Variants in SGCZ observed in about 807,000 individuals in gnomAD.
SGCZ encodes the protein sarcoglycan zeta.
In SGCZ, 40 loss-of-function variants were observed where a neutral mutation model predicts 41.3. The ratio of observed to expected loss-of-function variants is 0.97; its 90% CI spans 0.75 to 1.26. The LOEUF (loss-of-function observed/expected upper bound fraction) is 1.26, where lower values mean the gene tolerates loss of function less well. Ranked by LOEUF, SGCZ falls within the 50% of genes most tolerant of loss-of-function variation. SGCZ has a pLI of 0.00. For missense variants in SGCZ, 552 were observed against 369.8 expected (o/e 1.49, Z -4.04); for synonymous variants, 206 against 137.5 (o/e 1.50, Z -3.49).
chr8:14,890,127 G>A (rs930873953), intron 1 of SGCZ, among the ~76,000 whole-genome samples: 1 of 151,982 alleles, frequency 6.6e-6, no homozygotes, highest in African/African-American at 2.4e-5. Flanking sequence ...TGAGGCAGGT[G>A]AATCGCTTCA....
rs1223130113 is a variant in SGCZ at position 14,164,711 on chromosome 8, A to C, written c.425-9T>G. On this transcript the variant is annotated splice_polypyrimidine_tract_variant and intron_variant, in intron 4 of 7. Coordinates refer to ENST00000382080, the MANE Select transcript of SGCZ (RefSeq NM_139167.4). ...TTCCACAGCATCAGCTCCTATGGTC[A>C]GAGGAAAGGTTTAAAAATGAAACTG... is the stretch of plus-strand genomic sequence containing the variant. 1 of 1,611,974 alleles carries C rather than the reference A, an allele frequency of 6.2e-7. No individual in the cohort carries two copies. Among genetic ancestry groups the C allele is most frequent in the Admixed American group, 1.7e-5 (1 of 59,576 alleles).
intron 2 of SGCZ, among the ~76,000 whole-genome samples, chr8:14,514,783 ATGTG>A (rs200862544): frequency 0.27 from 26,731 of 100,058 alleles, 2,962 homozygotes; most frequent in Non-Finnish European, 0.35. Context: ...ATATATGTAA[ATGTG>A]TGTGTGTGTG....
intron 2 of SGCZ, among the ~76,000 whole-genome samples, chr8:14,441,953 G>A (rs765147722): frequency 6.6e-6 from 1 of 152,124 alleles, no homozygotes; most frequent in Non-Finnish European, 1.5e-5. Flanking sequence ...TATCTAAATT[G>A]TTCTATGTAA....
At chr8:15,039,933 T>A (rs1367908223) in intron 1 of SGCZ, among the ~76,000 whole-genome samples, 3 of 152,226 alleles carry the variant, frequency 2.0e-5, no homozygotes, top group African/African-American at 7.2e-5. Flanking sequence ...GGCACACTAC[T>A]GACTTAAAGT....
intron 1 of SGCZ, among the ~76,000 whole-genome samples, chr8:14,709,789 T>C (rs1809454660): frequency 6.6e-6 from 1 of 152,204 alleles, no homozygotes; most frequent in African/African-American, 2.4e-5. Context: ...TGGGGCTATA[T>C]TTAAATGTAA....
At chr8:15,038,399 C>G (rs965546350) in intron 1 of SGCZ, among the ~76,000 whole-genome samples, 7 of 151,814 alleles carry the variant, frequency 4.6e-5, no homozygotes, top group African/African-American at 1.7e-4. Context: ...GACTGAAAAT[C>G]CACATGCAGA....
chr8:15,214,795 C>T (rs985598021), intron 1 of SGCZ, among the ~76,000 whole-genome samples: 2 of 152,062 alleles, frequency 1.3e-5, no homozygotes, highest in African/African-American at 4.8e-5. Flanking sequence ...GCTGATGGTG[C>T]AATTTTAAGG....
intron 1 of SGCZ, among the ~76,000 whole-genome samples, chr8:14,932,525 A>G (rs576225006): frequency 2.0e-5 from 3 of 152,042 alleles, no homozygotes; most frequent in South Asian, 2.1e-4. Flanking sequence ...TAAGAGAGAA[A>G]GAAGGGAAGG....
intron 1 of SGCZ, among the ~76,000 whole-genome samples, chr8:14,976,424 G>A (rs1247432832): frequency 2.6e-5 from 4 of 152,118 alleles, no homozygotes; most frequent in African/African-American, 9.7e-5. Flanking sequence ...AATATTCCCT[G>A]TGACCTAATA....
chr8:15,175,451 T>C (rs1799967524), intron 1 of SGCZ, among the ~76,000 whole-genome samples: 1 of 152,098 alleles, frequency 6.6e-6, no homozygotes, highest in Non-Finnish European at 1.5e-5. Flanking sequence ...AATCAGATAC[T>C]GGATGATCTC....
intron 1 of SGCZ, among the ~76,000 whole-genome samples, chr8:14,880,679 C>G (rs1804553599): frequency 6.6e-6 from 1 of 152,070 alleles, no homozygotes; most frequent in South Asian, 2.1e-4. Flanking sequence ...TGGAAACCAT[C>G]ATTCTCAGCA....
At chr8:14,181,053 C>G (rs1804708319) in intron 4 of SGCZ, among the ~76,000 whole-genome samples, 1 of 152,110 alleles carries the variant, frequency 6.6e-6, no homozygotes, top group South Asian at 2.1e-4. Context: ...CTATTATGCC[C>G]CCTCCTAGGG....
At chr8:14,555,918 AT>A (rs1378787892) in intron 1 of SGCZ, among the ~76,000 whole-genome samples, 3 of 152,168 alleles carry the variant, frequency 2.0e-5, no homozygotes, top group East Asian at 1.9e-4. Flanking sequence ...TCAGAAAAAA[AT>A]ATTTAACTCT....
At chr8:14,159,392 G>A (rs988853681) in intron 5 of SGCZ, among the ~76,000 whole-genome samples, 24 of 152,148 alleles carry the variant, frequency 1.6e-4, no homozygotes, top group Admixed American at 3.9e-4. Context: ...AATAAATCAT[G>A]AAGAGGACCG....
intron 1 of SGCZ, chr8:14,853,346 T>G (rs942833622): frequency 1.3e-4 from 54 of 421,960 alleles, no homozygotes; most frequent in Non-Finnish European, 2.3e-4. Flanking sequence ...ACCTGAAGCA[T>G]GCTGGCCACT....
At chr8:14,681,334 T>C (rs1385085849) in intron 1 of SGCZ, among the ~76,000 whole-genome samples, 2 of 152,116 alleles carry the variant, frequency 1.3e-5, no homozygotes, top group Non-Finnish European at 2.9e-5. Context: ...CCATATCTAA[T>C]GTATTAAAGG....
At chr8:14,458,552 AT>A (rs1800813279) in intron 2 of SGCZ, among the ~76,000 whole-genome samples, 1 of 152,232 alleles carries the variant, frequency 6.6e-6, no homozygotes, top group South Asian at 2.1e-4. Flanking sequence ...ATGTTGGTGG[AT>A]TCTAAGTAGA....
intron 2 of SGCZ, among the ~76,000 whole-genome samples, chr8:14,514,929 A>T (rs949077609): frequency 6.6e-6 from 1 of 151,634 alleles, no homozygotes; most frequent in African/African-American, 2.4e-5. Flanking sequence ...CCATAGGGGA[A>T]TGACTAGTAG....
chr8:14,642,866 C>T (rs1409325899), intron 1 of SGCZ, among the ~76,000 whole-genome samples: 1 of 151,412 alleles, frequency 6.6e-6, no homozygotes, highest in East Asian at 1.9e-4. Flanking sequence ...AAGCATAGGG[C>T]AATATGTTGC....
Sources: gnomAD v4.1 joint callset for allele counts (sites outside exome capture counted in the v4.1 genomes callset) on GRCh38, gnomAD v4.1.1 for gene constraint, MANE v1.5 for transcripts, NCBI Gene and HGNC (gene_info 2026-07-23, HGNC 2026-07-21) for gene names.